The following KCNIP4 variants were observed in gnomAD, a reference collection of about 807,000 sequenced individuals.
KCNIP4 encodes Kv channel-interacting protein 4.
KCNIP4 carries 12 observed loss-of-function variants against 34.0 expected under a neutral mutation model. That is an observed-to-expected ratio of 0.35 (90% CI 0.23 to 0.57). The LOEUF (loss-of-function observed/expected upper bound fraction) is 0.57. Ranked by LOEUF, KCNIP4 falls within the 20% of genes least tolerant of loss-of-function variation. KCNIP4 has a pLI of 0.83. For synonymous variants in KCNIP4, 124 were observed against 102.2 expected (o/e 1.21, Z -1.29); for missense variants, 238 against 311.7 (o/e 0.76, Z 1.78).
chr4:21,018,682 C>T (rs1303639707), intron 1 of KCNIP4, among the ~76,000 whole-genome samples: 2 of 152,100 alleles, frequency 1.3e-5, no homozygotes, highest in Non-Finnish European at 2.9e-5. Flanking sequence ...AGACTTGCAT[C>T]ATAATTTGAT....
chr4:21,228,810 A>T (rs573260049), intron 1 of KCNIP4, among the ~76,000 whole-genome samples: 1 of 152,038 alleles, frequency 6.6e-6, no homozygotes, highest in Non-Finnish European at 1.5e-5. Flanking sequence ...CGCTTATCCA[A>T]TCACACTGGT....
intron 1 of KCNIP4, among the ~76,000 whole-genome samples, chr4:21,889,366 T>C (rs534803818): frequency 4.5e-4 from 67 of 149,448 alleles, no homozygotes; most frequent in African/African-American, 1.6e-3. Context: ...TATGCAAGCA[T>C]CTCAAAATCT....
intron 5 of KCNIP4, among the ~76,000 whole-genome samples, chr4:20,745,115 G>T (rs889874306): frequency 6.6e-6 from 1 of 152,182 alleles, no homozygotes. Flanking sequence ...TGGAGCCAAG[G>T]AGCTTTGGCC....
At chr4:20,970,534 C>A (rs1178859812) in intron 1 of KCNIP4, among the ~76,000 whole-genome samples, 1 of 152,110 alleles carries the variant, frequency 6.6e-6, no homozygotes, top group Non-Finnish European at 1.5e-5. Flanking sequence ...CTACCCTGCA[C>A]CCACTGGACA....
chr4:20,747,652 C>G (rs939048399), intron 5 of KCNIP4, among the ~76,000 whole-genome samples: 4 of 152,094 alleles, frequency 2.6e-5, no homozygotes, highest in Non-Finnish European at 5.9e-5. Context: ...CTTCTCCACT[C>G]TCAGCTTTTA....
chr4:21,123,477 G>A (rs564917142), intron 1 of KCNIP4, among the ~76,000 whole-genome samples: 12 of 152,000 alleles, frequency 7.9e-5, no homozygotes, highest in South Asian at 2.1e-4. Context: ...GCCTCTTTAC[G>A]CTCTTAAAAA....
At position 20,973,963 on chromosome 4, in the gene KCNIP4, A is replaced by G. The variant is rs1016115813; in HGVS notation, c.62-91254T>C. Among the ~76,000 whole-genome samples, 3 of 152,210 alleles carry G rather than the reference A, an allele frequency of 2.0e-5. No homozygotes were observed. The East Asian group carries it at 5.8e-4, about 29-fold the overall frequency. On this transcript the variant is annotated intron_variant, in intron 1 of 8. Coordinates refer to ENST00000382152, the MANE Select transcript of KCNIP4 (RefSeq NM_025221.6). ...TAGTAATACCAAAGATCACTAAAAT[A>G]TATATAATAATAACGAAAATGTTTG...
intron 1 of KCNIP4, among the ~76,000 whole-genome samples, chr4:20,898,789 T>C (rs1345050373): frequency 3.3e-5 from 5 of 152,188 alleles, no homozygotes; most frequent in Non-Finnish European, 5.9e-5. Flanking sequence ...TCTATCTCTA[T>C]CTCATCTATC....
intron 1 of KCNIP4, among the ~76,000 whole-genome samples, chr4:21,404,848 T>C (rs1019056566): frequency 1.3e-5 from 2 of 152,204 alleles, no homozygotes; most frequent in Non-Finnish European, 2.9e-5. Context: ...GTAACTACAC[T>C]ATGACATTAG....
At chr4:21,111,668 G>A (rs1297169318) in intron 1 of KCNIP4, among the ~76,000 whole-genome samples, 1 of 152,216 alleles carries the variant, frequency 6.6e-6, no homozygotes, top group Non-Finnish European at 1.5e-5. Flanking sequence ...GCCCATCATG[G>A]GATCAGGAGT....
intron 1 of KCNIP4, among the ~76,000 whole-genome samples, chr4:20,907,249 G>T (rs1035754717): frequency 6.6e-6 from 1 of 152,104 alleles, no homozygotes. Flanking sequence ...AATTTATTAC[G>T]GTGTTTTGGA....
intron 1 of KCNIP4, among the ~76,000 whole-genome samples, chr4:21,587,304 A>G (rs1311283390): frequency 6.6e-6 from 1 of 152,052 alleles, no homozygotes; most frequent in Non-Finnish European, 1.5e-5. Flanking sequence ...TTCCTGACCT[A>G]TCTCCTGAAG....
At chr4:21,669,254 A>G (rs918011878) in intron 1 of KCNIP4, among the ~76,000 whole-genome samples, 1 of 151,520 alleles carries the variant, frequency 6.6e-6, no homozygotes, top group Non-Finnish European at 1.5e-5. Context: ...CCTCCTGTGT[A>G]GCTGGGACCA....
intron 1 of KCNIP4, among the ~76,000 whole-genome samples, chr4:21,835,606 G>A (rs1427315729): frequency 6.6e-6 from 1 of 151,308 alleles, no homozygotes; most frequent in Non-Finnish European, 1.5e-5. Flanking sequence ...TTTTTTTGTT[G>A]TTGTTGTTTT....
intron 1 of KCNIP4, chr4:21,303,929 C>T: frequency 6.2e-7 from 1 of 1,612,692 alleles, no homozygotes; most frequent in Non-Finnish European, 8.5e-7. Flanking sequence ...CATGGTCCGA[C>T]CACAGCCACT....
At chr4:21,913,580 CACAG>C (rs1258486580) in intron 1 of KCNIP4, among the ~76,000 whole-genome samples, 1 of 152,110 alleles carries the variant, frequency 6.6e-6, no homozygotes, top group Non-Finnish European at 1.5e-5. Context: ...GTTATAGCCA[CACAG>C]ACAAATTAAG....
chr4:21,068,198 T>G (rs928096198), intron 1 of KCNIP4, among the ~76,000 whole-genome samples: 1 of 152,154 alleles, frequency 6.6e-6, no homozygotes, highest in Non-Finnish European at 1.5e-5. Context: ...CCCAATTTCT[T>G]TCCCTTTTTC....
intron 1 of KCNIP4, among the ~76,000 whole-genome samples, chr4:21,857,343 A>C (rs1328175238): frequency 2.6e-5 from 4 of 152,092 alleles, no homozygotes; most frequent in African/African-American, 9.7e-5. Context: ...CAGCTGTGGA[A>C]AGGAGCTATG....
At chr4:20,904,065 CAGTT>C (rs1727451666) in intron 1 of KCNIP4, among the ~76,000 whole-genome samples, 1 of 152,106 alleles carries the variant, frequency 6.6e-6, no homozygotes, top group South Asian at 2.1e-4. Flanking sequence ...ATTTTCCTCT[CAGTT>C]AGAATTCCAT....
Sources: gnomAD v4.1 joint callset for allele counts (sites outside exome capture counted in the v4.1 genomes callset) on GRCh38, gnomAD v4.1.1 for gene constraint, MANE v1.5 for transcripts, NCBI Gene and HGNC (gene_info 2026-07-23, HGNC 2026-07-21) for gene names.